Variants in GRID2 observed in about 807,000 individuals in gnomAD.
GRID2 encodes the protein glutamate receptor ionotropic, delta-2.
GRID2 carries 33 observed loss-of-function variants against 114.8 expected under a neutral mutation model. The observed-to-expected ratio is 0.29, with a 90% CI of 0.22 to 0.38. The LOEUF is 0.38. Ranked by LOEUF, GRID2 falls within the 10% of genes least tolerant of loss-of-function variation. The pLI is 1.00. For synonymous variants in GRID2, 505 were observed against 449.9 expected, an observed-to-expected ratio of 1.12 and a Z score of -1.55; for missense variants, 1,184 against 1,257.7, an observed-to-expected ratio of 0.94 and a Z score of 0.89.
intron 14 of GRID2, among the ~76,000 whole-genome samples, chr4:93,757,208 A>G (rs1732826177): frequency 6.6e-6 from 1 of 152,244 alleles, no homozygotes; most frequent in African/African-American, 2.4e-5. Context: ...CAAGGAGGCT[A>G]ACATCCAAAA....
At chr4:93,691,950 A>G (rs1387801974) in intron 14 of GRID2, among the ~76,000 whole-genome samples, 3 of 152,032 alleles carry the variant, frequency 2.0e-5, no homozygotes, top group African/African-American at 7.2e-5. Flanking sequence ...TGATTATAAT[A>G]GTCCTAACCA....
At chr4:92,926,156 C>T (rs1286557211) in intron 2 of GRID2, among the ~76,000 whole-genome samples, 1 of 151,890 alleles carries the variant, frequency 6.6e-6, no homozygotes, top group East Asian at 1.9e-4. Context: ...ATTAATTTTG[C>T]CCCTCAGGTA....
chr4:93,178,205 T>G (rs954927957), intron 4 of GRID2, among the ~76,000 whole-genome samples: 1 of 151,878 alleles, frequency 6.6e-6, no homozygotes, highest in Non-Finnish European at 1.5e-5. Flanking sequence ...TTTGTCACTC[T>G]CTATTCACTT....
chr4:93,463,282 T>A (rs1723927147), intron 11 of GRID2, among the ~76,000 whole-genome samples: 1 of 152,196 alleles, frequency 6.6e-6, no homozygotes, highest in Admixed American at 6.5e-5. Context: ...TAGAAAACAG[T>A]GCCATGATTT....
intron 1 of GRID2, among the ~76,000 whole-genome samples, chr4:92,431,718 C>G (rs919213538): frequency 1.3e-5 from 2 of 152,036 alleles, no homozygotes; most frequent in African/African-American, 4.8e-5. Context: ...TCTCTGTCTC[C>G]CCCAGATTGG....
intron 2 of GRID2, among the ~76,000 whole-genome samples, chr4:92,679,956 A>C (rs549400501): frequency 3.2e-4 from 49 of 151,676 alleles, no homozygotes; most frequent in Middle Eastern, 3.4e-3. Flanking sequence ...TGTATGTTGC[A>C]GGGATGGAGG....
Position 92,729,173 on chromosome 4 carries a change from G to A in GRID2, c.244+138887G>A, listed in dbSNP as rs1291353670. 3.3e-5 allele frequency among the ~76,000 whole-genome samples: 5 copies of A among 151,886 alleles called. No individual in the cohort carries two copies. The Admixed American group carries it at 3.3e-4, about 10-fold the overall frequency. On this transcript the variant is annotated intron_variant, in intron 2 of 15. Coordinates refer to ENST00000282020, the MANE Select transcript of GRID2 (RefSeq NM_001510.4). ...TTTCTCAATGATCTATCTCTGACAT[G>A]TTAAACTATATTTTTTTGACCTCCA...
At chr4:92,762,684 C>T (rs1188912416) in intron 2 of GRID2, among the ~76,000 whole-genome samples, 1 of 152,094 alleles carries the variant, frequency 6.6e-6, no homozygotes, top group Non-Finnish European at 1.5e-5. Context: ...TCGTTGTACC[C>T]CTAATGCCTT....
intron 13 of GRID2, among the ~76,000 whole-genome samples, chr4:93,526,226 T>C (rs1362199883): frequency 6.6e-6 from 1 of 152,058 alleles, no homozygotes; most frequent in African/African-American, 2.4e-5. Context: ...TAAAGTGATA[T>C]TTCCTCGATT....
chr4:92,716,588 C>T (rs1262977154), intron 2 of GRID2, among the ~76,000 whole-genome samples: 13 of 152,260 alleles, frequency 8.5e-5, no homozygotes, highest in African/African-American at 2.6e-4. Context: ...TTTATTACTA[C>T]AATCTAATAT....
intron 2 of GRID2, among the ~76,000 whole-genome samples, chr4:93,003,958 G>A (rs1251522695): frequency 6.6e-6 from 1 of 151,868 alleles, no homozygotes; most frequent in East Asian, 1.9e-4. Flanking sequence ...AAAATGTAAG[G>A]CTTGTGTGTG....
intron 4 of GRID2, among the ~76,000 whole-genome samples, chr4:93,180,369 T>C (rs1739774126): frequency 6.6e-6 from 1 of 152,146 alleles, no homozygotes; most frequent in African/African-American, 2.4e-5. Context: ...CCAACAATCA[T>C]CTGGGCCTTT....
intron 8 of GRID2, among the ~76,000 whole-genome samples, chr4:93,264,709 G>GATATATATATATATATATATATATATAT (rs70942961): frequency 4.5e-5 from 6 of 132,912 alleles, no homozygotes; most frequent in African/African-American, 1.8e-4. Context: ...AGTTTTGAAT[G>GATATATATATATATATATATATATATAT]ATATATATAT....
At chr4:93,304,654 G>A (rs991333391) in intron 8 of GRID2, among the ~76,000 whole-genome samples, 1 of 151,748 alleles carries the variant, frequency 6.6e-6, no homozygotes, top group South Asian at 2.1e-4. Flanking sequence ...ATTAAACTGG[G>A]GAAAACATTT....
chr4:92,575,486 G>T lies in GRID2; in HGVS notation c.89-14645G>T, dbSNP rs78524736. 4.3e-3 allele frequency among the ~76,000 whole-genome samples: 652 copies of T among 152,186 alleles called. 2 individuals carry two copies. The highest frequency in any genetic ancestry group is 0.015 in the African/African-American group (629 of 41,516). On this transcript the variant is annotated intron_variant, in intron 1 of 15. Coordinates refer to ENST00000282020, the MANE Select transcript of GRID2 (RefSeq NM_001510.4). ...TGATCTTTGATTTTGCTGACTTTTC[G>T]ATGGGTTTTTTTGTGGTTTTTGTTG...
chr4:92,837,630 G>A (rs1238031649), intron 2 of GRID2, among the ~76,000 whole-genome samples: 3 of 151,960 alleles, frequency 2.0e-5, no homozygotes, highest in African/African-American at 7.2e-5. Flanking sequence ...TTCAGAAATG[G>A]CCAAAGGTAT....
intron 8 of GRID2, among the ~76,000 whole-genome samples, chr4:93,386,363 G>T (rs1407888827): frequency 6.6e-6 from 1 of 151,988 alleles, no homozygotes; most frequent in African/African-American, 2.4e-5. Flanking sequence ...AGCAAAAAAA[G>T]ATTAAATAAT....
intron 13 of GRID2, among the ~76,000 whole-genome samples, chr4:93,592,510 G>T (rs1239406056): frequency 6.6e-6 from 1 of 151,994 alleles, no homozygotes; most frequent in Non-Finnish European, 1.5e-5. Context: ...GTGTGGTGTG[G>T]TGCTGAAAAA....
intron 2 of GRID2, among the ~76,000 whole-genome samples, chr4:92,737,527 T>C (rs773162515): frequency 6.6e-6 from 1 of 152,126 alleles, no homozygotes. Context: ...TTAGTTCTCC[T>C]TCATAAGTCC....
Sources: gnomAD v4.1 joint callset for allele counts (sites outside exome capture counted in the v4.1 genomes callset) on GRCh38, gnomAD v4.1.1 for gene constraint, MANE v1.5 for transcripts, NCBI Gene and HGNC (gene_info 2026-07-23, HGNC 2026-07-21) for gene names.